Variants in CELF1 observed in about 807,000 individuals in gnomAD.
The protein encoded by CELF1 is 50 kDa nuclear polyadenylated RNA-binding protein.
A neutral mutation model predicts 61.8 loss-of-function variants in CELF1; 10 were observed. The observed-to-expected ratio is 0.16, with a 90% CI of 0.10 to 0.27. CELF1 has a LOEUF of 0.27. Among genes scored for constraint, CELF1 ranks in the 10% least tolerant of loss-of-function variants. CELF1 has a pLI of 1.00. For missense variants in CELF1, 380 were observed against 639.1 expected (o/e 0.59, Z 4.37); for synonymous variants, 236 against 225.1 (o/e 1.05, Z -0.43).
intron 1 of CELF1, among the ~76,000 whole-genome samples, chr11:47,521,170 T>C (rs573688700): frequency 6.6e-6 from 1 of 152,142 alleles, no homozygotes; most frequent in African/African-American, 2.4e-5. Flanking sequence ...GAGAATGGCG[T>C]GAACCTGGGA....
intron 1 of CELF1, among the ~76,000 whole-genome samples, chr11:47,548,773 G>A (rs1363694623): frequency 6.6e-6 from 1 of 151,238 alleles, no homozygotes; most frequent in African/African-American, 2.4e-5. Flanking sequence ...GGCCAAGGCA[G>A]GAGAATGGCT....
At chr11:47,519,386 C>T (rs536581541) in intron 1 of CELF1, among the ~76,000 whole-genome samples, 90 of 152,040 alleles carry the variant, frequency 5.9e-4, no homozygotes, top group South Asian at 1.0e-3. Context: ...GAGGCTGGGG[C>T]AGAAGAATCA....
chr11:47,522,880 T>A (rs931145331), intron 1 of CELF1, among the ~76,000 whole-genome samples: 4 of 149,252 alleles, frequency 2.7e-5, no homozygotes, highest in Admixed American at 1.3e-4. Context: ...TTCATTTATT[T>A]AAAAAAAAAA....
At chr11:47,561,839 A>G (rs966753212) in intron 2 of CELF1, among the ~76,000 whole-genome samples, 66 of 152,164 alleles carry the variant, frequency 4.3e-4, no homozygotes, top group Non-Finnish European at 4.4e-5. Flanking sequence ...TGGCAATAAA[A>G]AGAAGGACAG....
chr11:47,558,727 A>G (rs1320631153), intron 2 of CELF1, among the ~76,000 whole-genome samples: 4 of 100,318 alleles, frequency 4.0e-5, no homozygotes, highest in Non-Finnish European at 5.5e-5. Flanking sequence ...TATGACATAT[A>G]TTATATATAA....
Position 47,471,807 on chromosome 11 carries a change from C to T in CELF1, c.*423G>A, listed in dbSNP as rs1029554657. 1 of 158,162 alleles carries T rather than the reference C, an allele frequency of 6.3e-6. No individual in the cohort carries two copies. Among genetic ancestry groups the T allele is most frequent in the Non-Finnish European group, 1.4e-5 (1 of 71,124 alleles). 9.8% of individuals were successfully genotyped at this position (158,162 alleles called of 1,614,324 possible). On this transcript the variant is annotated 3_prime_UTR_variant, in exon 15 of 15. Coordinates refer to ENST00000687097, the MANE Select transcript of CELF1 (RefSeq NM_001376376.1). ...AGGTTCTGGGGGTCACTTTTTTGTT[C>T]CACTCAGTCCTCTCTCTTGGGGTGG...
In CELF1 at chr11:47,552,858, C is replaced by T. The variant is rs1044347694; in HGVS notation, c.-154+134G>A. The T allele has an allele frequency of 1.0e-5, 4 of 395,406 alleles. No homozygotes were observed. The South Asian group carries it at 4.3e-4, about 42-fold the overall frequency. The allele number at this position is 395,406 out of a possible 1,614,324, so 24.5% of individuals were successfully genotyped here. A position where few individuals can be genotyped will look rare whatever the true frequency, so the allele number is the denominator to read the frequency against. ...CAGCCCTACCCCAGGACGCAGGGAA[C>T]GAGAAAAGGCCGCGCCCGGAGGGCC... is the stretch of plus-strand genomic sequence containing the variant. On this transcript the variant is annotated intron_variant, in intron 1 of 14. Coordinates refer to ENST00000687097, the MANE Select transcript of CELF1 (RefSeq NM_001376376.1).
intron 1 of CELF1, among the ~76,000 whole-genome samples, chr11:47,534,523 G>A (rs1310610686): frequency 1.3e-5 from 2 of 151,788 alleles, no homozygotes; most frequent in African/African-American, 2.4e-5. Flanking sequence ...TAAGGAGACC[G>A]AGACCATCCT....
chr11:47,502,123 T>G (rs2093983527), intron 1 of CELF1, among the ~76,000 whole-genome samples: 1 of 152,314 alleles, frequency 6.6e-6, no homozygotes, highest in East Asian at 1.9e-4. Context: ...CATAGAACTT[T>G]TGTTCAAAAG....
chr11:47,533,901 C>A (rs934596502), intron 1 of CELF1, among the ~76,000 whole-genome samples: 1 of 150,824 alleles, frequency 6.6e-6, no homozygotes, highest in Non-Finnish European at 1.5e-5. Context: ...CTTAGTTTTT[C>A]CCCTCCCTCT....
At chr11:47,558,490 T>A (rs899748372) in intron 2 of CELF1, among the ~76,000 whole-genome samples, 2 of 124,502 alleles carry the variant, frequency 1.6e-5, no homozygotes, top group Non-Finnish European at 3.1e-5. Context: ...ATATTATATA[T>A]TTAATATATT....
chr11:47,473,127 C>T lies in CELF1; in HGVS notation c.1378G>A (p.Val460Ile), dbSNP rs1166567636. 1.2e-6 allele frequency: 2 copies of T among 1,614,026 alleles called. No individual in the cohort carries two copies. Among genetic ancestry groups the T allele is most frequent in the East Asian group, 2.2e-5 (1 of 44,888 alleles). Residue 460 changes from valine to isoleucine, a missense_variant, in exon 14 of 15, where the codon GTT becomes ATT. By Grantham distance (29) the Val-to-Ile change is conservative. Coordinates refer to ENST00000687097, the MANE Select transcript of CELF1 (RefSeq NM_001376376.1). ...MPFGNVVSAK[V>I]FIDKQTNLSK... ...AGGTTTGTCTGCTTGTCTATGAAAA[C>T]CTTGGCAGACACGACATTCCCAAAG...
intron 1 of CELF1, among the ~76,000 whole-genome samples, chr11:47,527,490 C>G (rs924021670): frequency 6.6e-6 from 1 of 151,992 alleles, no homozygotes; most frequent in African/African-American, 2.4e-5. Flanking sequence ...TTTGAGAGGT[C>G]AAGGGAGAGG....
In CELF1 at chr11:47,488,878, T is replaced by C. The variant is rs755818111; in HGVS notation, c.218A>G (p.Asn73Ser). The change falls in exon 4 of 15, where the codon AAC becomes AGC. Residue 73 changes from asparagine to serine, a missense_variant. By Grantham distance (46) the Asn-to-Ser change is conservative (BLOSUM62 1). Transcript: ENST00000687097. ...FEQYGAVYEI[N>S]VLRDRSQNPP... is the part of the protein sequence containing the mutation. The stretch of plus-strand genomic sequence containing the variant: ...GTTTTGGCTCCTATCCCTTAGGACG[T>C]TGATTTCATACACAGCACCATACTG... The C allele has an allele frequency of 4.4e-6, 7 of 1,595,262 alleles. No individual in the cohort carries two copies. The highest frequency in any genetic ancestry group is 4.3e-6 in the Non-Finnish European group (5 of 1,172,300).
intron 13 of CELF1, among the ~76,000 whole-genome samples, chr11:47,473,870 C>T (rs2078790403): frequency 6.6e-6 from 1 of 152,088 alleles, no homozygotes; most frequent in Non-Finnish European, 1.5e-5. Context: ...AATATACATT[C>T]TTCATCTGAC....
rs867315906 is a variant in CELF1, at chr11:47,503,974, A to C, written c.-153-3042T>G. On this transcript the variant is annotated intron_variant, in intron 1 of 14. Transcript: ENST00000687097. Reference sequence around the variant, plus strand: ...CAGACTGTTCAAGCCCAGGAGTTTGAGACTAGTCTGACCAACAAAGAGAGA... The same window carrying C: ...CAGACTGTTCAAGCCCAGGAGTTTGCGACTAGTCTGACCAACAAAGAGAGA... Among the ~76,000 whole-genome samples, 5 of 151,536 alleles carry C rather than the reference A, an allele frequency of 3.3e-5. No individual in the cohort carries two copies. In the South Asian group the frequency reaches 1.0e-3, roughly 32 times the overall value.
chr11:47,554,740 C>A (rs2097199558), upstream of CELF1, among the ~76,000 whole-genome samples: 3 of 151,432 alleles, frequency 2.0e-5, no homozygotes, highest in South Asian at 6.2e-4. Context: ...CGGCTCACTG[C>A]AACCTCCACC....
chr11:47,527,588 T>C (rs2096291729), intron 1 of CELF1, among the ~76,000 whole-genome samples: 1 of 152,212 alleles, frequency 6.6e-6, no homozygotes, highest in Admixed American at 6.5e-5. Context: ...GCCTCTTCAT[T>C]GTATATACTG....
At chr11:47,494,897 CAG>C (rs1406072216) in intron 3 of CELF1, among the ~76,000 whole-genome samples, 2 of 152,200 alleles carry the variant, frequency 1.3e-5, no homozygotes, top group Non-Finnish European at 2.9e-5. Flanking sequence ...CTGTATGAGA[CAG>C]AGACAGAACA....
Sources: allele counts gnomAD v4.1 joint callset (sites outside exome capture counted in the v4.1 genomes callset), GRCh38; gene constraint gnomAD v4.1.1; transcripts MANE v1.5; gene names NCBI Gene and HGNC (gene_info 2026-07-23, HGNC 2026-07-21).